ZNF2: variants seen among roughly 807,000 people sequenced by gnomAD.
ZNF2 encodes the protein zinc finger protein 2, also known as zinc finger protein 2.2.
Under a neutral mutation model 21.9 loss-of-function variants are expected in ZNF2, and 12 were observed. That is an observed-to-expected ratio of 0.55 (90% CI 0.35 to 0.89). The LOEUF (loss-of-function observed/expected upper bound fraction) is 0.89, where lower values mean the gene tolerates loss of function less well. Among genes scored for constraint, ZNF2 ranks in the 40% least tolerant of loss-of-function variants. The pLI is 0.01. For synonymous variants in ZNF2, 186 were observed against 196.3 expected (o/e 0.95, Z 0.44); for missense variants, 462 against 544.2 (o/e 0.85, Z 1.50).
chr2:95,166,477 T>G (rs565128220), intron 1 of ZNF2, among the ~76,000 whole-genome samples: 85 of 152,182 alleles, frequency 5.6e-4, no homozygotes, highest in African/African-American at 2.0e-3. Context: ...CAAGACTCAG[T>G]AGGCAAGGTG....
chr2:95,181,002 C>T, intron 4 of ZNF2, 101 bp from the exon 5 acceptor site: 1 of 1,350,764 alleles, frequency 7.4e-7, no homozygotes, highest in East Asian at 2.3e-5. Flanking sequence ...GCAAGCAATG[C>T]AGTGACCATA....
rs1406367704 is a variant in ZNF2, at chr2:95,182,208, C to T, written c.*102C>T. 4.9e-6 allele frequency: 7 copies of T among 1,430,856 alleles called. No individual in the cohort carries two copies. In the Admixed American group the frequency reaches 1.6e-4, roughly 32 times the overall value. The allele number at this position is 1,430,856 out of a possible 1,614,324, so 88.6% of individuals were successfully genotyped here. A position where few individuals can be genotyped will look rare whatever the true frequency, so the allele number is the denominator to read the frequency against. ...TTGCTCATTCTACCCACTCTGGCTGCCGTTGTCCTGTCCTGCTTCTGCGCC... is the reference window on the plus strand; with the variant it reads ...TTGCTCATTCTACCCACTCTGGCTGTCGTTGTCCTGTCCTGCTTCTGCGCC... On this transcript the variant is annotated 3_prime_UTR_variant, in exon 5 of 5. Coordinates refer to ENST00000614034, the MANE Select transcript of ZNF2 (RefSeq NM_021088.4).
chr2:95,182,098 A>G lies in ZNF2; in HGVS notation c.1270A>G (p.Ile424Val). The change falls in exon 5 of 5, where the codon ATA becomes GTA. Residue 424 changes from isoleucine (I) to valine (V), a missense_variant. Transcript: ENST00000614034. Reference sequence around the variant, plus strand: ...TCAACGGCGTTACGCCAAACAGGGAATAGACTGAGTTGGGCAAAAGCTTGG... The same window carrying G: ...TCAACGGCGTTACGCCAAACAGGGAGTAGACTGAGTTGGGCAAAAGCTTGG... ...QHQRRYAKQG[I>V]D 1.2e-6 allele frequency: 2 copies of G among 1,601,178 alleles called. No homozygotes were observed. The highest frequency in any genetic ancestry group is 1.3e-5 in the African/African-American group (1 of 74,780).
chr2:95,184,122 C>T lies in ZNF2; in HGVS notation c.*2016C>T, dbSNP rs781429205. The stretch of plus-strand genomic sequence containing the variant: ...AAGTCGGATTCGAGAAGCTGAATTA[C>T]CAAACAGACCCTCCCCAACCTACTA... On this transcript the variant is annotated 3_prime_UTR_variant, in exon 5 of 5. Coordinates refer to ENST00000614034, the MANE Select transcript of ZNF2 (RefSeq NM_021088.4). The T allele has an allele frequency of 2.0e-5, 3 of 152,156 alleles. No homozygotes were observed. Among genetic ancestry groups the T allele is most frequent in the Non-Finnish European group, 4.4e-5 (3 of 68,044 alleles). The allele number at this position is 152,156 out of a possible 1,614,324, so 9.4% of individuals were successfully genotyped here.
In ZNF2 at chr2:95,177,617, G is replaced by T. The variant is rs1235442469; in HGVS notation, c.160+8G>T. ...ACAGCATTGTGTCATTGGGTAAGGG[G>T]AGCCTCCATGAGGAGGTACAGTCTG... On this transcript the variant is annotated splice_region_variant and intron_variant, in intron 3 of 4. Transcript: ENST00000614034. The T allele has an allele frequency of 6.2e-7, 1 of 1,613,136 alleles. No homozygotes were observed. The highest frequency in any genetic ancestry group is 8.5e-7 in the Non-Finnish European group (1 of 1,179,518).
chr2:95,178,993 G>GTT (rs368069255), intron 3 of ZNF2, among the ~76,000 whole-genome samples: 74 of 130,440 alleles, frequency 5.7e-4, no homozygotes, highest in East Asian at 8.9e-4. Flanking sequence ...GGTTTTTTTT[G>GTT]TTTTTTTTTT....
At chr2:95,173,376 T>TAAC (rs1404387730) in intron 1 of ZNF2, among the ~76,000 whole-genome samples, 2 of 152,230 alleles carry the variant, frequency 1.3e-5, no homozygotes, top group Admixed American at 1.3e-4. Flanking sequence ...CAGTGACTTG[T>TAAC]AATGCCACCT....
chr2:95,169,960 C>A (rs1484674784), intron 1 of ZNF2, among the ~76,000 whole-genome samples: 1 of 152,142 alleles, frequency 6.6e-6, no homozygotes, highest in Non-Finnish European at 1.5e-5. Flanking sequence ...GTTTTGCAAA[C>A]AGGCAGACTG....
At chr2:95,174,870 A>C (rs1159214505) in intron 1 of ZNF2, among the ~76,000 whole-genome samples, 1 of 152,210 alleles carries the variant, frequency 6.6e-6, no homozygotes, top group Admixed American at 6.5e-5. Flanking sequence ...GTTGAATAGA[A>C]GGATGAATGA....
chr2:95,177,440 A>G, intron 2 of ZNF2, 43 bp from the exon 3 acceptor site: 2 of 1,595,946 alleles, frequency 1.3e-6, no homozygotes, highest in Non-Finnish European at 1.7e-6. Context: ...GTCCAAGTAA[A>G]GAGAAGGATT....
intron 1 of ZNF2, among the ~76,000 whole-genome samples, chr2:95,174,867 A>G (rs1674389188): frequency 6.6e-6 from 1 of 152,220 alleles, no homozygotes; most frequent in African/African-American, 2.4e-5. Flanking sequence ...CTGGTTGAAT[A>G]GAAGGATGAA....
chr2:95,167,796 G>A (rs113543957), intron 1 of ZNF2, among the ~76,000 whole-genome samples: 1,863 of 150,324 alleles, frequency 0.012, 19 homozygotes, highest in Non-Finnish European at 0.021. Flanking sequence ...GCAGTGAGCC[G>A]AGATGATGCC....
intron 1 of ZNF2, among the ~76,000 whole-genome samples, chr2:95,170,007 AG>A (rs1674218112): frequency 6.6e-6 from 1 of 152,204 alleles, no homozygotes; most frequent in Non-Finnish European, 1.5e-5. Flanking sequence ...TAGCACCGGT[AG>A]GAAGAGGCAG....
At position 95,181,309 on chromosome 2, in the gene ZNF2, G is replaced by C; in HGVS notation, c.481G>C (p.Ala161Pro). 1.2e-6 allele frequency: 2 copies of C among 1,614,222 alleles called. No individual in the cohort carries two copies. Among genetic ancestry groups the C allele is most frequent in the Non-Finnish European group, 1.7e-6 (2 of 1,180,040 alleles). ...SRDKGLRRRS[A>P]LSREILTKER... ...GGACAAAGGCTTGCGGCGACGGTCA[G>C]CCCTGTCCAGGGAAATTCTCACTAA... Residue 161 changes from alanine (A) to proline (P), a missense_variant, in exon 5 of 5, where the codon GCC becomes CCC. Transcript: ENST00000614034.
rs1419397165 is a variant in ZNF2 at position 95,183,677 on chromosome 2, A to G, written c.*1571A>G. The G allele has an allele frequency of 4.3e-5, 6 of 141,118 alleles. No individual in the cohort carries two copies. The highest frequency in any genetic ancestry group is 1.4e-4 in the African/African-American group (5 of 35,736). 8.7% of individuals were successfully genotyped at this position (141,118 alleles called of 1,614,324 possible). On this transcript the variant is annotated 3_prime_UTR_variant, in exon 5 of 5. Transcript: ENST00000614034. ...ACTCTGTCACCCAGGTTGGAATGCA[A>G]TGGCACAATCTCCGCTCACTGCAAG... is the stretch of plus-strand genomic sequence containing the variant.
Position 95,184,187 on chromosome 2 carries a change from G to C in ZNF2, c.*2081G>C, listed in dbSNP as rs1262004155. ...CTGTTCACCCTAGAGCAGACGAACGGCAGGGAAGACTTGATCTGTGGACTT... is the reference window on the plus strand; with the variant it reads ...CTGTTCACCCTAGAGCAGACGAACGCCAGGGAAGACTTGATCTGTGGACTT... On this transcript the variant is annotated 3_prime_UTR_variant, in exon 5 of 5. Coordinates refer to ENST00000614034, the MANE Select transcript of ZNF2 (RefSeq NM_021088.4). 2.0e-5 allele frequency: 3 copies of C among 152,178 alleles called. No individual in the cohort carries two copies. Among genetic ancestry groups the C allele is most frequent in the Admixed American group, 1.3e-4 (2 of 15,276 alleles). 9.4% of individuals were successfully genotyped at this position (152,178 alleles called of 1,614,324 possible).
In ZNF2 at chr2:95,181,468, A is replaced by G. The variant is rs776310203; in HGVS notation, c.640A>G (p.Ser214Gly). ...RECGKAFSHR[S>G]SLSRHLMSHT... ...GTGTGGGAAAGCCTTCAGCCACAGG[A>G]GCAGCCTCAGCAGACATCTGATGTC... The change falls in exon 5 of 5, where the codon AGC (serine) becomes GGC (glycine). Residue 214 changes from serine (S) to glycine (G), a missense_variant. Ser to Gly is a moderately conservative substitution (Grantham distance 56). Coordinates refer to ENST00000614034, the MANE Select transcript of ZNF2 (RefSeq NM_021088.4). 2 of 1,613,994 alleles carry G rather than the reference A, an allele frequency of 1.2e-6. No homozygotes were observed. The highest frequency in any genetic ancestry group is 2.2e-5 in the South Asian group (2 of 91,068).
chr2:95,174,999 C>T (rs1674393032), intron 1 of ZNF2, among the ~76,000 whole-genome samples: 1 of 152,138 alleles, frequency 6.6e-6, no homozygotes, highest in Non-Finnish European at 1.5e-5. Context: ...CACCATAAAT[C>T]CCAGAAATGT....
intron 1 of ZNF2, among the ~76,000 whole-genome samples, chr2:95,175,835 T>C (rs551457520): frequency 6.6e-6 from 1 of 152,356 alleles, no homozygotes; most frequent in Admixed American, 6.5e-5. Flanking sequence ...TGTAGTCATT[T>C]ATAAAATTGC....
Sources: allele counts gnomAD v4.1 joint callset (sites outside exome capture counted in the v4.1 genomes callset), GRCh38; gene constraint gnomAD v4.1.1; transcripts MANE v1.5; gene names NCBI Gene and HGNC (gene_info 2026-07-23, HGNC 2026-07-21).